The following SNAPC1 variants were observed in gnomAD, a reference collection of about 807,000 sequenced individuals.
SNAPC1 encodes the protein small nuclear RNA activating complex polypeptide 1, also known as snRNA-activating protein complex subunit 1.
In SNAPC1, 42 loss-of-function variants were observed where a neutral mutation model predicts 50.1. That is an observed-to-expected ratio of 0.84 (90% CI 0.65 to 1.08). The LOEUF (loss-of-function observed/expected upper bound fraction) is 1.08, where lower values mean the gene tolerates loss of function less well. Among genes scored for constraint, SNAPC1 ranks in the 50% least tolerant of loss-of-function variants. SNAPC1 has a pLI of 0.00. For missense variants in SNAPC1, 477 were observed against 427.3 expected, an observed-to-expected ratio of 1.12 and a Z score of -1.02; for synonymous variants, 164 against 144.2, an observed-to-expected ratio of 1.14 and a Z score of -0.98.
intron 4 of SNAPC1, among the ~76,000 whole-genome samples, chr14:61,773,770 GCTCACTGCAGCCTCCAC>G (rs1566589112): frequency 6.7e-6 from 1 of 149,782 alleles, no homozygotes; most frequent in Non-Finnish European, 1.5e-5. Context: ...CACGATCTCG[GCTCACTGCAGCCTCCAC>G]CTCCCCACCT....
chr14:61,780,303 A>T (rs1322612215), intron 7 of SNAPC1, among the ~76,000 whole-genome samples: 2 of 152,154 alleles, frequency 1.3e-5, no homozygotes, highest in Non-Finnish European at 2.9e-5. Context: ...TTCCTCACCT[A>T]CACCAGTTTC....
At chr14:61,788,373 T>G (rs2045129548) in intron 8 of SNAPC1, among the ~76,000 whole-genome samples, 1 of 152,206 alleles carries the variant, frequency 6.6e-6, no homozygotes, top group Non-Finnish European at 1.5e-5. Flanking sequence ...AAGGTGTTTT[T>G]GATTTTACAG....
intron 4 of SNAPC1, among the ~76,000 whole-genome samples, chr14:61,772,038 CATT>C (rs1239322294): frequency 1.3e-5 from 2 of 152,242 alleles, no homozygotes; most frequent in East Asian, 3.9e-4. Flanking sequence ...AACAGCAAGA[CATT>C]ATTCTTATCA....
intron 1 of SNAPC1, among the ~76,000 whole-genome samples, chr14:61,763,732 A>C (rs911789495): frequency 6.6e-6 from 1 of 152,074 alleles, no homozygotes; most frequent in African/African-American, 2.4e-5. Flanking sequence ...TATAGTTGAA[A>C]AGGCAGTGTG....
chr14:61,790,814 C>G (rs1020388705), intron 8 of SNAPC1, among the ~76,000 whole-genome samples: 1 of 151,574 alleles, frequency 6.6e-6, no homozygotes. Flanking sequence ...ATTAGACATA[C>G]ACTTAAGTAA....
rs765637016 is a variant in SNAPC1, at chr14:61,778,154, G to A, written c.762+14G>A. ...CAAGAAACGGAGGTCAGAAAACTTT[G>A]CAATTCATATTATGTGTGGCTGTGA... On this transcript the variant is annotated intron_variant, in intron 6 of 9. Coordinates refer to ENST00000216294, the MANE Select transcript of SNAPC1 (RefSeq NM_003082.4). 30 of 1,529,430 alleles carry A rather than the reference G, an allele frequency of 2.0e-5. No homozygotes were observed. Among genetic ancestry groups the A allele is most frequent in the Non-Finnish European group, 2.4e-5 (27 of 1,108,792 alleles). 94.7% of individuals were successfully genotyped at this position (1,529,430 alleles called of 1,614,324 possible). A position where few individuals can be genotyped will look rare whatever the true frequency, so the allele number is the denominator to read the frequency against.
chr14:61,783,017 AT>A (rs767793462), intron 8 of SNAPC1, among the ~76,000 whole-genome samples: 3,436 of 115,194 alleles, frequency 0.03, 33 homozygotes, highest in Non-Finnish European at 0.039. Flanking sequence ...TTTCCAGTGC[AT>A]TTTTTTTTTT....
intron 1 of SNAPC1, among the ~76,000 whole-genome samples, chr14:61,765,768 G>T (rs1327889561): frequency 3.3e-5 from 5 of 152,064 alleles, no homozygotes; most frequent in Admixed American, 2.6e-4. Context: ...TTGATTGATT[G>T]CCAACAAAGC....
At chr14:61,773,200 C>G (rs759858783) in intron 4 of SNAPC1, among the ~76,000 whole-genome samples, 2 of 152,114 alleles carry the variant, frequency 1.3e-5, no homozygotes, top group Non-Finnish European at 2.9e-5. Flanking sequence ...AAACATTTGA[C>G]TTCTAATTCT....
At chr14:61,763,795 G>T (rs570176455) in intron 1 of SNAPC1, among the ~76,000 whole-genome samples, 2 of 152,144 alleles carry the variant, frequency 1.3e-5, no homozygotes, top group South Asian at 4.2e-4. Context: ...TTGATTGCAG[G>T]GTCCGCTATG....
intron 3 of SNAPC1, among the ~76,000 whole-genome samples, chr14:61,768,176 G>A (rs2044962781): frequency 6.6e-6 from 1 of 152,214 alleles, no homozygotes; most frequent in Non-Finnish European, 1.5e-5. Flanking sequence ...CAGTGTATCT[G>A]GGTGCCACAT....
chr14:61,770,234 C>CTTTTTTTTTTTTTTT (rs72091048), intron 4 of SNAPC1, among the ~76,000 whole-genome samples: 1 of 133,962 alleles, frequency 7.5e-6, no homozygotes, highest in Non-Finnish European at 1.6e-5. Context: ...CCCCCATGTT[C>CTTTTTTTTTTTTTTT]TTTTTTTTTT....
In SNAPC1 at chr14:61,778,132, G is replaced by GA. The variant is rs773218743; in HGVS notation, c.757dup (p.Thr253AsnfsTer5). ...AGAAAAAATGGAAGGAAATTCACAA[G>GA]AAACGGAGGTCAGAAAACTTTGCAA... On this transcript the variant is annotated frameshift_variant, in exon 6 of 10. Coordinates refer to ENST00000216294, the MANE Select transcript of SNAPC1 (RefSeq NM_003082.4). LOFTEE classifies it high-confidence loss of function. The GA allele has an allele frequency of 1.2e-5, 19 of 1,599,076 alleles. No homozygotes were observed. Among genetic ancestry groups the GA allele is most frequent in the Non-Finnish European group, 1.5e-5 (18 of 1,170,748 alleles).
intron 3 of SNAPC1, 130 bp downstream of exon 3, chr14:61,767,482 T>TTTTTTTTTTTTTTTTTTTTTTG: frequency 2.1e-6 from 1 of 482,492 alleles, no homozygotes; most frequent in Admixed American, 4.6e-5. Flanking sequence ...TTTTTTTTTT[T>TTTTTTTTTTTTTTTTTTTTTTG]AGACAGAGTC....
chr14:61,782,860 C>T (rs1056365868), intron 8 of SNAPC1, among the ~76,000 whole-genome samples: 1 of 151,934 alleles, frequency 6.6e-6, no homozygotes, highest in Non-Finnish European at 1.5e-5. Flanking sequence ...GAGCTGAGAT[C>T]ATGTCACTTC....
At chr14:61,778,945 G>C (rs773864361) in intron 7 of SNAPC1, 35 bp downstream of exon 7, 20 of 1,163,812 alleles carry the variant, frequency 1.7e-5, no homozygotes, top group Admixed American at 1.4e-4. Context: ...TTTGGAAATT[G>C]ACTGCTTTTT....
chr14:61,772,429 G>A (rs1487576956), intron 4 of SNAPC1, among the ~76,000 whole-genome samples: 1 of 152,228 alleles, frequency 6.6e-6, no homozygotes, highest in Non-Finnish European at 1.5e-5. Flanking sequence ...ATTTTTAGCA[G>A]AGGCAGGGTT....
In SNAPC1 at chr14:61,782,365, CA is replaced by C. The variant is rs1477456172; in HGVS notation, c.945del (p.Ala316GlnfsTer23). The C allele has an allele frequency of 6.2e-7, 1 of 1,612,864 alleles. No individual in the cohort carries two copies. The highest frequency in any genetic ancestry group is 2.2e-5 in the East Asian group (1 of 44,840). On this transcript the variant is annotated frameshift_variant, in exon 8 of 10. Coordinates refer to ENST00000216294, the MANE Select transcript of SNAPC1 (RefSeq NM_003082.4). LOFTEE classifies it high-confidence loss of function. ...AAAGAGAAGAAAGAAAGATTGAAAC[CA>C]GCAGGAAGGAAGATGTCTCTCAGAA... is the stretch of plus-strand genomic sequence containing the variant. ...RKKEKKERLK[P>X]AGRKMSLRNK...
chr14:61,763,676 C>A (rs2044926180), intron 1 of SNAPC1, among the ~76,000 whole-genome samples: 1 of 151,886 alleles, frequency 6.6e-6, no homozygotes, highest in Non-Finnish European at 1.5e-5. Flanking sequence ...CGCATAGCAC[C>A]CTGTTTTTAT....
Sources: allele counts gnomAD v4.1 joint callset (sites outside exome capture counted in the v4.1 genomes callset), GRCh38; gene constraint gnomAD v4.1.1; transcripts MANE v1.5; gene names NCBI Gene and HGNC (gene_info 2026-07-23, HGNC 2026-07-21).